The following ANKRD7 variants were observed in gnomAD, a reference collection of about 807,000 sequenced individuals.
ANKRD7 encodes the protein ankyrin repeat domain 7, also known as ankyrin repeat domain-containing protein 7.
ANKRD7 carries 30 observed loss-of-function variants against 30.8 expected under a neutral mutation model. The ratio of observed to expected loss-of-function variants is 0.97; its 90% CI spans 0.73 to 1.32. The LOEUF is 1.32. Ranked by LOEUF, ANKRD7 falls within the 40% of genes most tolerant of loss-of-function variation. The pLI is 0.00. For missense variants in ANKRD7, 264 were observed against 295.7 expected, an observed-to-expected ratio of 0.89 and a Z score of 0.79; for synonymous variants, 97 against 106.6, an observed-to-expected ratio of 0.91 and a Z score of 0.55.
chr7:118,226,423 A>T (rs1024690557), intron 1 of ANKRD7, among the ~76,000 whole-genome samples: 1 of 152,236 alleles, frequency 6.6e-6, no homozygotes, highest in Non-Finnish European at 1.5e-5. Flanking sequence ...TTAACTATAA[A>T]TAGCCTACTA....
chr7:118,239,737 A>G (rs1377135861), intron 5 of ANKRD7, 172 bp from the exon 6 acceptor site: 2 of 371,024 alleles, frequency 5.4e-6, no homozygotes, highest in African/African-American at 4.2e-5. Context: ...ATGGGAGTAC[A>G]TGAAATAAAA....
At chr7:118,241,750 G>T (rs1011934487) in intron 6 of ANKRD7, among the ~76,000 whole-genome samples, 2 of 151,756 alleles carry the variant, frequency 1.3e-5, no homozygotes, top group African/African-American at 4.8e-5. Context: ...TGTTTGCCAG[G>T]CTGGTCTCGA....
rs1809863556 is a variant in ANKRD7, at chr7:118,242,538, A to G, written c.*227A>G. 6.6e-6 allele frequency: 1 copy of G among 151,996 alleles called. No homozygotes were observed. Among genetic ancestry groups the G allele is most frequent in the South Asian group, 2.1e-4 (1 of 4,828 alleles). The allele number at this position is 151,996 out of a possible 1,614,324, so 9.4% of individuals were successfully genotyped here. A position where few individuals can be genotyped will look rare whatever the true frequency, so the allele number is the denominator to read the frequency against. ...AAGAAATTTTAAAAGATAAACATCT[A>G]TATTGTGAACCATCAGCTGAAAAGA... On this transcript the variant is annotated 3_prime_UTR_variant, in exon 7 of 7. Transcript: ENST00000265224.
rs756594925 is a variant in ANKRD7, at chr7:118,234,534, C to G, written c.283C>G (p.Pro95Ala). Residue 95 changes from proline (P) to alanine (A), a missense_variant, in exon 2 of 7, where the codon CCA (proline) becomes GCA (alanine). Transcript: ENST00000265224. The stretch of plus-strand genomic sequence containing the variant: ...TGTCCGGGATAGTGAAAACAAATCC[C>G]CATTGATTAAGGTATGCCATAGTTT... ...INVRDSENKS[P>A]LIKAVQCQNE... The G allele has an allele frequency of 1.2e-6, 2 of 1,609,106 alleles. No individual in the cohort carries two copies. Among genetic ancestry groups the G allele is most frequent in the East Asian group, 2.2e-5 (1 of 44,746 alleles).
chr7:118,234,906 T>C, intron 3 of ANKRD7, 32 bp downstream of exon 3: 2 of 1,538,192 alleles, frequency 1.3e-6, no homozygotes. Flanking sequence ...AAATCCTGTA[T>C]TTTAGAAAGC....
chr7:118,240,311 C>A (rs1000555736), intron 6 of ANKRD7, among the ~76,000 whole-genome samples: 10 of 152,094 alleles, frequency 6.6e-5, no homozygotes, highest in Non-Finnish European at 1.2e-4. Flanking sequence ...ATCCTTCCCC[C>A]CTCCCCCCAC....
chr7:118,230,429 C>CT (rs138474767), intron 1 of ANKRD7, among the ~76,000 whole-genome samples: 2,848 of 151,042 alleles, frequency 0.019, 44 homozygotes, highest in East Asian at 0.077. Flanking sequence ...CACCCCGAAT[C>CT]TAAAAAAAAA....
At chr7:118,241,233 G>C (rs1169882747) in intron 6 of ANKRD7, among the ~76,000 whole-genome samples, 1 of 148,330 alleles carries the variant, frequency 6.7e-6, no homozygotes, top group Non-Finnish European at 1.5e-5. Context: ...TTATTGACAA[G>C]TATGTTTTAC....
rs528036249 is a variant in ANKRD7, at chr7:118,241,999, A to G, written c.*38-350A>G. 3.9e-5 allele frequency among the ~76,000 whole-genome samples: 6 copies of G among 152,314 alleles called. No individual in the cohort carries two copies. The East Asian group carries it at 1.2e-3, about 29-fold the overall frequency. ...TAGAAACTACAGAAAAATCATTGCT[A>G]CATTTTGAGTGCCTCTTGAGGGTAG... On this transcript the variant is annotated intron_variant, in intron 6 of 6. Coordinates refer to ENST00000265224, the MANE Select transcript of ANKRD7 (RefSeq NM_019644.4).
intron 1 of ANKRD7, among the ~76,000 whole-genome samples, chr7:118,225,694 T>C (rs559555278): frequency 6.6e-6 from 1 of 152,258 alleles, no homozygotes; most frequent in Non-Finnish European, 1.5e-5. Flanking sequence ...CCCTGGAACA[T>C]TGGTTAGTTA....
intron 3 of ANKRD7, among the ~76,000 whole-genome samples, chr7:118,235,611 C>CA (rs776419798): frequency 0.14 from 6,853 of 47,562 alleles, 460 homozygotes; most frequent in African/African-American, 0.19. Context: ...GACTCTGTCT[C>CA]AAAAAAAAAA....
At chr7:118,237,922 C>A (rs1375702492) in intron 5 of ANKRD7, among the ~76,000 whole-genome samples, 7 of 152,022 alleles carry the variant, frequency 4.6e-5, no homozygotes, top group Non-Finnish European at 1.0e-4. Flanking sequence ...TAAAAGGATT[C>A]TTCACTCTAC....
At position 118,224,928 on chromosome 7, in the gene ANKRD7, CTTCAGTCGGGGA is replaced by C; in HGVS notation, c.101_112del (p.Ser34_Asp37del). The C allele has an allele frequency of 6.2e-7, 1 of 1,614,208 alleles. No homozygotes were observed. Among genetic ancestry groups the C allele is most frequent in the Middle Eastern group, 1.6e-4 (1 of 6,062 alleles). On this transcript the variant is annotated inframe_deletion, in exon 1 of 7. Transcript: ENST00000265224. ...GATTTAAAGAAACTTCACAGAGCTG[CTTCAGTCGGGGA>C]TTTGAAGAAGCTGAAGGAATACCTT...
chr7:118,229,437 T>C (rs1413057241), intron 1 of ANKRD7, among the ~76,000 whole-genome samples: 1 of 152,170 alleles, frequency 6.6e-6, no homozygotes, highest in East Asian at 1.9e-4. Flanking sequence ...TATTCACATA[T>C]GTTTTGTTTG....
intron 6 of ANKRD7, among the ~76,000 whole-genome samples, chr7:118,241,330 C>T (rs1403085956): frequency 1.3e-5 from 2 of 151,602 alleles, no homozygotes; most frequent in Non-Finnish European, 2.9e-5. Context: ...AATTCACCCC[C>T]AGTGTAAAAT....
intron 1 of ANKRD7, chr7:118,227,941 A>G (rs1461402023): frequency 1.5e-6 from 2 of 1,345,002 alleles, no homozygotes; most frequent in Non-Finnish European, 2.0e-6. Flanking sequence ...GTGTTGTCCA[A>G]TCTTCTAGAT....
intron 6 of ANKRD7, among the ~76,000 whole-genome samples, chr7:118,240,636 C>A (rs1357717078): frequency 6.6e-6 from 1 of 151,720 alleles, no homozygotes; most frequent in African/African-American, 2.4e-5. Flanking sequence ...TGTCTCATGT[C>A]TAGCTATAAA....
intron 1 of ANKRD7, among the ~76,000 whole-genome samples, chr7:118,233,040 A>T (rs1809667116): frequency 1.3e-5 from 2 of 152,148 alleles, no homozygotes; most frequent in African/African-American, 4.8e-5. Context: ...ATGTGAACAG[A>T]AAGCTTAATT....
intron 1 of ANKRD7, among the ~76,000 whole-genome samples, chr7:118,233,765 T>A (rs750804865): frequency 6.6e-6 from 1 of 152,160 alleles, no homozygotes; most frequent in Non-Finnish European, 1.5e-5. Flanking sequence ...TAGAAGTAGA[T>A]AAATGTTTAT....
Sources: allele counts gnomAD v4.1 joint callset (sites outside exome capture counted in the v4.1 genomes callset), GRCh38; gene constraint gnomAD v4.1.1; transcripts MANE v1.5; gene names NCBI Gene and HGNC (gene_info 2026-07-23, HGNC 2026-07-21).